JAK1: variants seen among roughly 807,000 people sequenced by gnomAD.
The protein encoded by JAK1 is Janus kinase 1.
Under a neutral mutation model 136.6 loss-of-function variants are expected in JAK1, and 16 were observed. The ratio of observed to expected loss-of-function variants is 0.12; its 90% CI spans 0.08 to 0.18. The LOEUF (loss-of-function observed/expected upper bound fraction) is 0.18, where lower values mean the gene tolerates loss of function less well. Among genes scored for constraint, JAK1 ranks in the 10% least tolerant of loss-of-function variants. JAK1 has a pLI of 1.00. For missense variants in JAK1, 859 were observed against 1,450.1 expected (o/e 0.59, Z 6.62); for synonymous variants, 492 against 519.5 (o/e 0.95, Z 0.72).
At chr1:64,965,126 T>C (rs1268064267) in intron 1 of JAK1, among the ~76,000 whole-genome samples, 1 of 152,044 alleles carries the variant, frequency 6.6e-6, no homozygotes, top group Non-Finnish European at 1.5e-5. Context: ...AATAAAAAAA[T>C]AGCCAAAACC....
chr1:65,033,172 T>C (rs567333739), intron 2 of JAK1, among the ~76,000 whole-genome samples: 5 of 152,160 alleles, frequency 3.3e-5, no homozygotes, highest in African/African-American at 7.2e-5. Context: ...AAAGAGGCTA[T>C]GTTCCTGTTT....
chr1:64,836,344 A>G (rs1160663651), intron 22 of JAK1, 129 bp from the exon 23 acceptor site: 7 of 680,092 alleles, frequency 1.0e-5, no homozygotes, highest in African/African-American at 1.8e-5. Context: ...TGTGTATTAT[A>G]TATTTTACAC....
At chr1:64,988,918 A>G (rs1057411323) in intron 2 of JAK1, among the ~76,000 whole-genome samples, 1 of 148,178 alleles carries the variant, frequency 6.7e-6, no homozygotes. Context: ...ATATATATAT[A>G]TGTATGTATG....
Position 64,834,459 on chromosome 1 carries a change from G to A in JAK1, c.*103C>T. The stretch of plus-strand genomic sequence containing the variant: ...TATGAGTTCAGTGACTTTTTGGACA[G>A]AACACAAACTTCTTTCATTAGAAAT... On this transcript the variant is annotated 3_prime_UTR_variant, in exon 25 of 25. Transcript: ENST00000342505. 1.3e-6 allele frequency: 1 copy of A among 769,892 alleles called. No homozygotes were observed. Among genetic ancestry groups the A allele is most frequent in the Non-Finnish European group, 2.2e-6 (1 of 450,930 alleles). 47.7% of individuals were successfully genotyped at this position (769,892 alleles called of 1,614,324 possible). A position where few individuals can be genotyped will look rare whatever the true frequency, so the allele number is the denominator to read the frequency against.
chr1:65,035,181 T>C (rs1433846261), intron 2 of JAK1, among the ~76,000 whole-genome samples: 1 of 152,202 alleles, frequency 6.6e-6, no homozygotes, highest in Admixed American at 6.5e-5. Context: ...TAACCCACCC[T>C]TTCATGTGGT....
intron 3 of JAK1, 148 bp downstream of exon 3, chr1:64,883,129 A>AAGTGGC (rs1353297497): frequency 1.9e-5 from 11 of 584,572 alleles, no homozygotes; most frequent in Middle Eastern, 9.2e-4. Flanking sequence ...GGTCACGTGC[A>AAGTGGC]AGTGGCAGTG....
At chr1:64,928,566 G>A (rs577200331) in intron 1 of JAK1, among the ~76,000 whole-genome samples, 1 of 152,016 alleles carries the variant, frequency 6.6e-6, no homozygotes, top group Non-Finnish European at 1.5e-5. Flanking sequence ...CTGCTCAGCA[G>A]AGAAAAATAG....
intron 2 of JAK1, among the ~76,000 whole-genome samples, chr1:65,001,445 G>A (rs1646755544): frequency 6.6e-6 from 1 of 152,136 alleles, no homozygotes; most frequent in Non-Finnish European, 1.5e-5. Context: ...TCGCCTTCCC[G>A]GAGGTCCCCA....
At chr1:64,990,152 A>G (rs769649446) in intron 2 of JAK1, 1 of 152,080 alleles carries the variant, frequency 6.6e-6, no homozygotes, top group Non-Finnish European at 1.5e-5. Flanking sequence ...TACTAAAAAT[A>G]CAAAATTTAG....
chr1:64,996,020 G>C (rs1646700774), intron 2 of JAK1, among the ~76,000 whole-genome samples: 1 of 152,174 alleles, frequency 6.6e-6, no homozygotes, highest in Non-Finnish European at 1.5e-5. Context: ...TGGGATTATA[G>C]GCCTGAGCCA....
intron 1 of JAK1, among the ~76,000 whole-genome samples, chr1:64,932,498 G>A (rs1255615527): frequency 6.6e-6 from 1 of 152,116 alleles, no homozygotes; most frequent in Non-Finnish European, 1.5e-5. Context: ...TAAGTGTCGA[G>A]GTTGGGTTCA....
chr1:65,054,951 G>A (rs1205279848), intron 1 of JAK1, among the ~76,000 whole-genome samples: 1 of 152,174 alleles, frequency 6.6e-6, no homozygotes, highest in Non-Finnish European at 1.5e-5. Flanking sequence ...CTAAGGGAGA[G>A]CAGAGAAATC....
intron 2 of JAK1, chr1:64,992,976 T>C (rs1027983919): frequency 6.6e-6 from 1 of 150,680 alleles, no homozygotes; most frequent in Non-Finnish European, 1.5e-5. Flanking sequence ...ATATTCCTTC[T>C]TGGTGTTTTT....
chr1:64,985,998 T>C, intron 2 of JAK1: 2 of 1,332,076 alleles, frequency 1.5e-6, no homozygotes, highest in Non-Finnish European at 2.1e-6. Flanking sequence ...CTCAGGAGCA[T>C]TGATGACCCC....
At chr1:64,877,038 G>A (rs1398753451) in intron 4 of JAK1, among the ~76,000 whole-genome samples, 1 of 152,162 alleles carries the variant, frequency 6.6e-6, no homozygotes, top group Non-Finnish European at 1.5e-5. Context: ...GTTGTCTTAT[G>A]CTAAGATATA....
chr1:64,988,286 C>T (rs1646619047), intron 2 of JAK1, among the ~76,000 whole-genome samples: 1 of 152,190 alleles, frequency 6.6e-6, no homozygotes, highest in South Asian at 2.1e-4. Context: ...CATATTCCTA[C>T]TTTACAGATG....
upstream of JAK1, among the ~76,000 whole-genome samples, chr1:64,970,662 G>A (rs1253280917): frequency 6.6e-6 from 1 of 151,776 alleles, no homozygotes; most frequent in Admixed American, 6.6e-5. Flanking sequence ...TACTCGAGAG[G>A]CTGAGGCACG....
chr1:64,966,147 G>A (rs1232321208), intron 1 of JAK1, among the ~76,000 whole-genome samples, 186 bp downstream of exon 1: 1 of 151,882 alleles, frequency 6.6e-6, no homozygotes, highest in East Asian at 2.0e-4. Context: ...GCTCCGCGGG[G>A]CTGGAAATCC....
chr1:64,926,151 T>C (rs1007508587), intron 1 of JAK1, among the ~76,000 whole-genome samples: 1 of 152,170 alleles, frequency 6.6e-6, no homozygotes, highest in Non-Finnish European at 1.5e-5. Flanking sequence ...AGCTTCGCAA[T>C]GGCATCAAGC....
Sources: allele counts gnomAD v4.1 joint callset (sites outside exome capture counted in the v4.1 genomes callset), GRCh38; gene constraint gnomAD v4.1.1; transcripts MANE v1.5; gene names NCBI Gene and HGNC (gene_info 2026-07-23, HGNC 2026-07-21).